The following MYH7B variants were observed in gnomAD, a reference collection of about 807,000 sequenced individuals.
The protein encoded by MYH7B is myosin-7B.
In MYH7B, 205 loss-of-function variants were observed where a neutral mutation model predicts 234.5. That is an observed-to-expected ratio of 0.87 (90% CI 0.78 to 0.98). MYH7B has a LOEUF of 0.98. MYH7B is among the 50% of genes least tolerant of loss of function. The pLI, the probability that MYH7B is intolerant of heterozygous loss-of-function variation, is 0.00. For synonymous variants in MYH7B, 1,193 were observed against 1,105.0 expected (o/e 1.08, Z -1.58); for missense variants, 2,652 against 2,633.4 (o/e 1.01, Z -0.15).
chr20:35,000,989 C>T lies in MYH7B; in HGVS notation c.5306C>T (p.Ala1769Val), dbSNP rs147239130. ...TGACCAGCTCCTCCTCCCCAACAGG[C>T]GGCCATGATGGCCGAGGAGCTGAAG... Residue 1769 changes from alanine (A) to valine (V), a missense_variant and splice_region_variant, in exon 41 of 45, where the codon GCG becomes GTG. Ala to Val is a moderately conservative substitution (Grantham distance 64). Coordinates refer to ENST00000262873, the Ensembl canonical transcript of MYH7B. The T allele has an allele frequency of 3.0e-4, 481 of 1,613,658 alleles. 2 individuals carry two copies. The East Asian group carries it at 4.2e-3, about 14-fold the overall frequency.
chr20:34,980,708 A>G (rs753171719), exon 8 of MYH7B: 2 of 1,614,066 alleles, frequency 1.2e-6, no homozygotes, highest in African/African-American at 2.7e-5. Context: ...GCGGTGGCGG[A>G]CAACGCCTAC....
intron 7 of MYH7B, 91 bp downstream of exon 7, chr20:34,979,895 G>A: frequency 1.4e-6 from 2 of 1,430,020 alleles, no homozygotes; most frequent in Admixed American, 2.0e-5. Context: ...CATAGCGGTG[G>A]GGCGGGGCTG....
Position 34,991,059 on chromosome 20 carries a change from G to A in MYH7B, c.2121G>A (p.Glu707=), listed in dbSNP as rs1398132189. 2.5e-6 allele frequency: 4 copies of A among 1,613,990 alleles called. No individual in the cohort carries two copies. The African/African-American group carries it at 4.0e-5, about 16-fold the overall frequency. The change falls in exon 24 of 45, where the codon GAG becomes GAA. Residue 707 remains glutamate (E), a synonymous_variant. Coordinates refer to ENST00000262873, the Ensembl canonical transcript of MYH7B. ...AGCTGCGCTGCAATGGGGTCCTGGA[G>A]GGGATCCGGATCTGCCGCCAAGGGT... is the stretch of plus-strand genomic sequence containing the variant.
intron 2 of MYH7B, among the ~76,000 whole-genome samples, chr20:34,961,926 T>G (rs886567669): frequency 9.9e-5 from 15 of 152,234 alleles, no homozygotes; most frequent in Admixed American, 2.0e-4. Flanking sequence ...TTTCCACTTT[T>G]TGCCATTAAG....
chr20:34,977,384 T>C (rs2081871584), intron 3 of MYH7B, among the ~76,000 whole-genome samples: 1 of 152,048 alleles, frequency 6.6e-6, no homozygotes, highest in African/African-American at 2.4e-5. Context: ...CCCCGTGAGC[T>C]CTTCAGTCTC....
chr20:34,973,419 AAAG>A (rs2081810899), intron 2 of MYH7B, among the ~76,000 whole-genome samples: 1 of 152,170 alleles, frequency 6.6e-6, no homozygotes, highest in Admixed American at 6.5e-5. Context: ...GTCTTTACCC[AAAG>A]AAGAAATTCC....
chr20:34,961,902 A>T (rs1324728903), intron 2 of MYH7B, among the ~76,000 whole-genome samples: 1 of 152,184 alleles, frequency 6.6e-6, no homozygotes, highest in Non-Finnish European at 1.5e-5. Flanking sequence ...ATCAGTTGAT[A>T]GGCATCTGGG....
chr20:34,980,200 C>T (rs545142326), intron 7 of MYH7B: 237 of 331,868 alleles, frequency 7.1e-4, no homozygotes, highest in Admixed American at 2.5e-3. Flanking sequence ...CAGGGTTCTT[C>T]TGAAGACTGG....
chr20:34,956,004 A>G (rs1466312067), exon 1 of MYH7B: 1 of 152,272 alleles, frequency 6.6e-6, no homozygotes, highest in Non-Finnish European at 1.5e-5. Flanking sequence ...GCGGGGAGCT[A>G]CGGGTATGCA....
rs2081988943 is a variant in MYH7B, at chr20:34,984,715, GGTGA to G, written c.648+3_648+6del. ...AGCAATTTCTGGCAACAAAGACGGG[GGTGA>G]GTATGGGGCCAATGTCAATGGGGCA... On this transcript the variant is annotated splice_donor_variant and splice_donor_region_variant and intron_variant, in intron 11 of 44. Coordinates refer to ENST00000262873, the Ensembl canonical transcript of MYH7B. LOFTEE classifies it high-confidence loss of function. 3 of 1,605,840 alleles carry G rather than the reference GGTGA, an allele frequency of 1.9e-6. No individual in the cohort carries two copies. The highest frequency in any genetic ancestry group is 2.7e-5 in the African/African-American group (2 of 74,316).
At chr20:35,000,920 G>T (rs1468583440) in intron 40 of MYH7B, 27 bp downstream of exon 40, 1 of 1,608,802 alleles carries the variant, frequency 6.2e-7, no homozygotes, top group Non-Finnish European at 8.5e-7. Flanking sequence ...GCTGTGGGGA[G>T]CCTGGGACAG....
chr20:34,990,529 TG>T (rs778300916), intron 22 of MYH7B: 3 of 829,622 alleles, frequency 3.6e-6, no homozygotes, highest in Non-Finnish European at 6.4e-6. Flanking sequence ...CCTGGGGCTC[TG>T]GGAGGGACGG....
At position 35,001,509 on chromosome 20, in the gene MYH7B, C is replaced by T. The variant is rs1257507102; in HGVS notation, c.5659C>T (p.Arg1887Cys). 7 of 1,608,968 alleles carry T rather than the reference C, an allele frequency of 4.4e-6. No individual in the cohort carries two copies. Among genetic ancestry groups the T allele is most frequent in the East Asian group, 2.2e-5 (1 of 44,622 alleles). Residue 1887 changes from arginine (R) to cysteine (C), a missense_variant, in exon 43 of 45, where the codon CGC (arginine) becomes TGC (cysteine). Coordinates refer to ENST00000262873, the Ensembl canonical transcript of MYH7B. The stretch of plus-strand genomic sequence containing the variant: ...GCAGAGCAAGGTCAAGAGCTACAAG[C>T]GCCAGTTTGAGGAGGCGGTGAGTGC...
intron 14 of MYH7B, 35 bp from the exon 15 acceptor site, chr20:34,986,851 T>G (rs1477392555): frequency 6.4e-7 from 1 of 1,561,148 alleles, no homozygotes; most frequent in South Asian, 1.1e-5. Flanking sequence ...CGGTAAGCAC[T>G]GCCTGACCCT....
rs371016244 is a variant in MYH7B at position 34,969,256 on chromosome 20, A to AG, written c.-221-6140dup. ...AGGCCCCTCACCACTGGCACAGAGT[A>AG]GGGGTTTGTATTTTTCAAGGATCAT... On this transcript the variant is annotated intron_variant, in intron 2 of 44. Coordinates refer to ENST00000262873, the Ensembl canonical transcript of MYH7B. 9.2e-5 allele frequency among the ~76,000 whole-genome samples: 14 copies of AG among 152,324 alleles called. 1 individual carries two copies. Among genetic ancestry groups the AG allele is most frequent in the African/African-American group, 3.4e-4 (14 of 41,570 alleles).
intron 3 of MYH7B, among the ~76,000 whole-genome samples, chr20:34,976,877 G>A (rs2081860435): frequency 6.6e-6 from 1 of 152,184 alleles, no homozygotes; most frequent in Non-Finnish European, 1.5e-5. Flanking sequence ...TTCAAAACAG[G>A]CAAATCTCGC....
At chr20:34,956,302 A>G (rs1569022013) in intron 1 of MYH7B, among the ~76,000 whole-genome samples, 1 of 152,110 alleles carries the variant, frequency 6.6e-6, no homozygotes, top group South Asian at 2.1e-4. Flanking sequence ...GGCAAAAGGA[A>G]AGGATTTTCA....
chr20:34,979,868 G>T (rs2081916366), intron 7 of MYH7B, 64 bp downstream of exon 7: 4 of 1,560,266 alleles, frequency 2.6e-6, no homozygotes, highest in Admixed American at 1.8e-5. Context: ...CTAGAGATGA[G>T]GTGCTGGGGG....
chr20:34,959,131 T>C (rs1228941161), intron 2 of MYH7B, among the ~76,000 whole-genome samples: 1 of 152,236 alleles, frequency 6.6e-6, no homozygotes, highest in Non-Finnish European at 1.5e-5. Context: ...TTTGTTACTT[T>C]TGAGGCTATA....
Sources: allele counts gnomAD v4.1 joint callset (sites outside exome capture counted in the v4.1 genomes callset), GRCh38; gene constraint gnomAD v4.1.1; transcripts MANE v1.5; gene names NCBI Gene and HGNC (gene_info 2026-07-23, HGNC 2026-07-21).